DHRS7C: variants seen among roughly 807,000 people sequenced by gnomAD.
DHRS7C encodes dehydrogenase/reductase 7C, also known as dehydrogenase/reductase SDR family member 7C.
DHRS7C carries 28 observed loss-of-function variants against 29.6 expected under a neutral mutation model. The observed-to-expected ratio is 0.95, with a 90% CI of 0.70 to 1.30. DHRS7C has a LOEUF of 1.30. Ranked by LOEUF, DHRS7C falls within the 50% of genes most tolerant of loss-of-function variation. The pLI is 0.00. For synonymous variants in DHRS7C, 158 were observed against 160.2 expected, an observed-to-expected ratio of 0.99 and a Z score of 0.10; for missense variants, 403 against 393.3, an observed-to-expected ratio of 1.02 and a Z score of -0.21.
chr17:9,780,079 C>T (rs937156767), intron 2 of DHRS7C, 44 bp from the exon 3 acceptor site: 3 of 1,582,466 alleles, frequency 1.9e-6, no homozygotes, highest in Non-Finnish European at 1.7e-6. Context: ...GAGATCTCCT[C>T]CCTCTTGCAG....
At chr17:9,777,448 C>T (rs1258374443) in intron 3 of DHRS7C, among the ~76,000 whole-genome samples, 163 bp from the exon 4 acceptor site, 1 of 152,046 alleles carries the variant, frequency 6.6e-6, no homozygotes, top group Non-Finnish European at 1.5e-5. Context: ...AATCATTTAT[C>T]CAGTGTTTCC....
chr17:9,779,930 T>G lies in DHRS7C; in HGVS notation c.373A>C (p.Asn125His), dbSNP rs2066384208. The change falls in exon 3 of 6, where the codon AAC becomes CAC. Residue 125 changes from asparagine (N) to histidine (H), a missense_variant. Coordinates refer to ENST00000571134, the MANE Select transcript of DHRS7C (RefSeq NM_001105571.3). The part of the protein sequence containing the change: ...DCYGCVDILI[N>H]NASVKVKGPA... Reference sequence around the variant, plus strand: ...CCCTTCACCTTCACACTGGCATTGTTGATGAGGATGTCCACACAGCCATAG... The same window carrying G: ...CCCTTCACCTTCACACTGGCATTGTGGATGAGGATGTCCACACAGCCATAG... The G allele has an allele frequency of 2.5e-6, 4 of 1,613,948 alleles. No homozygotes were observed. In the East Asian group the frequency reaches 8.9e-5, roughly 36 times the overall value.
chr17:9,781,641 C>T (rs747751763), intron 1 of DHRS7C, 47 bp from the exon 2 acceptor site: 2 of 1,577,360 alleles, frequency 1.3e-6, no homozygotes, highest in Non-Finnish European at 1.7e-6. Context: ...GTGGATGGAG[C>T]CACTGACAGT....
At chr17:9,783,177 A>G (rs2066402819) in intron 1 of DHRS7C, among the ~76,000 whole-genome samples, 1 of 152,142 alleles carries the variant, frequency 6.6e-6, no homozygotes, top group Admixed American at 6.5e-5. Flanking sequence ...ATCCTGAGAG[A>G]GCTGGGAGGA....
rs2066391952 is a variant in DHRS7C at position 9,781,394 on chromosome 17, T to A, written c.267+88A>T. 3 of 1,239,050 alleles carry A rather than the reference T, an allele frequency of 2.4e-6. No individual in the cohort carries two copies. In the East Asian group the frequency reaches 7.2e-5, roughly 30 times the overall value. 76.8% of individuals were successfully genotyped at this position (1,239,050 alleles called of 1,614,324 possible). On this transcript the variant is annotated intron_variant, in intron 2 of 5. Transcript: ENST00000571134. ...TCCCCAGAGCAATCACCAAGTTTCCTCCACTTGGTCCAAGAGCTGGTCCTG... is the reference window on the plus strand; with the variant it reads ...TCCCCAGAGCAATCACCAAGTTTCCACCACTTGGTCCAAGAGCTGGTCCTG...
Position 9,772,843 on chromosome 17 carries a change from G to A in DHRS7C, c.651C>T (p.Ser217=). Residue 217 remains serine, a synonymous_variant, in exon 5 of 6, where the codon AGC becomes AGT. Transcript: ENST00000571134. ...ACCGGATGAAAGTCGGGCTCACGGT[G>A]CTGATGACAACATCGTATTCCTCCA... ...AEVEEYDVVI[S]TVSPTFIRSY... 1.2e-6 allele frequency: 2 copies of A among 1,613,992 alleles called. No homozygotes were observed. Among genetic ancestry groups the A allele is most frequent in the East Asian group, 4.5e-5 (2 of 44,874 alleles).
At chr17:9,779,726 G>A in intron 3 of DHRS7C, 99 bp downstream of exon 3, 2 of 1,239,100 alleles carry the variant, frequency 1.6e-6, no homozygotes, top group Non-Finnish European at 2.2e-6. Flanking sequence ...GGGGACTGGG[G>A]AATTCCATAT....
At position 9,780,838 on chromosome 17, in the gene DHRS7C, C is replaced by T. The variant is rs138514925; in HGVS notation, c.267+644G>A. Among the ~76,000 whole-genome samples, 447 of 152,238 alleles carry T rather than the reference C, an allele frequency of 2.9e-3. 1 individual carries two copies. Among genetic ancestry groups the T allele is most frequent in the African/African-American group, 9.7e-3 (402 of 41,518 alleles). Reference sequence around the variant, plus strand: ...ACTCAGTGTTTCTCACACAATTGACCGCAAACCCTTGCTTTTACCCAGTGC... The same window carrying T: ...ACTCAGTGTTTCTCACACAATTGACTGCAAACCCTTGCTTTTACCCAGTGC... On this transcript the variant is annotated intron_variant, in intron 2 of 5. Transcript: ENST00000571134.
chr17:9,782,688 A>G (rs2066399738), intron 1 of DHRS7C, among the ~76,000 whole-genome samples: 1 of 152,220 alleles, frequency 6.6e-6, no homozygotes, highest in African/African-American at 2.4e-5. Context: ...CAACTCTTAC[A>G]GTGCCTGGGA....
Position 9,781,603 on chromosome 17 carries a change from A to T in DHRS7C, c.155-9T>A. ...GAACACCCGAGCACACTCTGTGGGG[A>T]AGAAGGAAACAGGGCAGGGCACACT... is the stretch of plus-strand genomic sequence containing the variant. On this transcript the variant is annotated splice_polypyrimidine_tract_variant and intron_variant, in intron 1 of 5. Transcript: ENST00000571134. 2 of 1,613,300 alleles carry T rather than the reference A, an allele frequency of 1.2e-6. No individual in the cohort carries two copies. Among genetic ancestry groups the T allele is most frequent in the Non-Finnish European group, 1.7e-6 (2 of 1,179,760 alleles).
chr17:9,771,985 G>GA (rs1428316601), intron 5 of DHRS7C, among the ~76,000 whole-genome samples: 1 of 152,208 alleles, frequency 6.6e-6, no homozygotes, highest in East Asian at 1.9e-4. Context: ...TAGGATCTAA[G>GA]AAGGTGCCAG....
In DHRS7C at chr17:9,788,191, CT is replaced by C. The variant is rs1412562602; in HGVS notation, c.154+2939del. Among the ~76,000 whole-genome samples, 6 of 152,072 alleles carry C rather than the reference CT, an allele frequency of 3.9e-5. No individual in the cohort carries two copies. In the South Asian group the frequency reaches 1.2e-3, roughly 32 times the overall value. On this transcript the variant is annotated intron_variant, in intron 1 of 5. Coordinates refer to ENST00000571134, the MANE Select transcript of DHRS7C (RefSeq NM_001105571.3). Reference sequence around the variant, plus strand: ...GGGGTTGGCTATTCCGATAGCCATTCTTTTTTTAAAATAAATAAATAAATTA... The same window carrying C: ...GGGGTTGGCTATTCCGATAGCCATTCTTTTTTAAAATAAATAAATAAATTA...
intron 1 of DHRS7C, chr17:9,785,225 G>A (rs1262924156): frequency 2.6e-5 from 4 of 152,264 alleles, no homozygotes; most frequent in African/African-American, 9.6e-5. Flanking sequence ...GACTTCGAAG[G>A]AGGATCGCCT....
chr17:9,787,977 G>A (rs2066433512), intron 1 of DHRS7C, among the ~76,000 whole-genome samples: 1 of 152,078 alleles, frequency 6.6e-6, no homozygotes, highest in African/African-American at 2.4e-5. Context: ...TCCCAAAAGT[G>A]TTGGGATTAC....
At chr17:9,778,471 C>A (rs1234902076) in intron 3 of DHRS7C, among the ~76,000 whole-genome samples, 1 of 152,066 alleles carries the variant, frequency 6.6e-6, no homozygotes, top group Non-Finnish European at 1.5e-5. Context: ...GGACTAGACC[C>A]AGGGTCCTTA....
intron 4 of DHRS7C, among the ~76,000 whole-genome samples, chr17:9,776,038 C>T (rs2152015519): frequency 6.6e-6 from 1 of 152,224 alleles, no homozygotes; most frequent in Non-Finnish European, 1.5e-5. Flanking sequence ...CCCGTCCCTA[C>T]TAAAAAATAC....
chr17:9,780,104 C>A, intron 2 of DHRS7C, 69 bp from the exon 3 acceptor site: 9 of 1,384,182 alleles, frequency 6.5e-6, no homozygotes, highest in South Asian at 2.8e-5. Flanking sequence ...TGGGAGCCCT[C>A]GATCTAAAAG....
rs777970916 is a variant in DHRS7C at position 9,781,537 on chromosome 17, C to A, written c.212G>T (p.Trp71Leu). Reference sequence around the variant, plus strand: ...ATCATATAGGTTCTCTAGCCTCTCCCAGTTCTTTCCACACAGCACCAGCCT... The same window carrying A: ...ATCATATAGGTTCTCTAGCCTCTCCAAGTTCTTTCCACACAGCACCAGCCT... ...GARLVLCGKN[W>L]ERLENLYDAL... Residue 71 changes from tryptophan to leucine, a missense_variant, in exon 2 of 6, where the codon TGG (tryptophan) becomes TTG (leucine). Physicochemically the swap from Trp to Leu is moderately conservative, Grantham distance 61. Transcript: ENST00000571134. 6.2e-7 allele frequency: 1 copy of A among 1,614,024 alleles called. No homozygotes were observed. Among genetic ancestry groups the A allele is most frequent in the Admixed American group, 1.7e-5 (1 of 60,032 alleles).
Position 9,790,306 on chromosome 17 carries a change from A to C in DHRS7C, c.154+825T>G, listed in dbSNP as rs559726661. Reference sequence around the variant, plus strand: ...TAATAAAAACAACAGCAAAAGTTGCACTAACTATGTAACATATAAAGTTGT... The same window carrying C: ...TAATAAAAACAACAGCAAAAGTTGCCCTAACTATGTAACATATAAAGTTGT... On this transcript the variant is annotated intron_variant, in intron 1 of 5. Transcript: ENST00000571134. Among the ~76,000 whole-genome samples the C allele has an allele frequency of 1.3e-3, 194 of 152,332 alleles. 1 individual carries two copies. The highest frequency in any genetic ancestry group is 4.1e-3 in the African/African-American group (169 of 41,576).
Sources: gnomAD v4.1 joint callset for allele counts (sites outside exome capture counted in the v4.1 genomes callset) on GRCh38, gnomAD v4.1.1 for gene constraint, MANE v1.5 for transcripts, NCBI Gene and HGNC (gene_info 2026-07-23, HGNC 2026-07-21) for gene names.